The following MARS1 variants were observed in gnomAD, a reference collection of about 807,000 sequenced individuals.
MARS1 encodes methionyl-tRNA synthetase 1.
In MARS1, 80 loss-of-function variants were observed where a neutral mutation model predicts 119.5. That is an observed-to-expected ratio of 0.67 (90% confidence interval 0.56 to 0.81). The LOEUF (loss-of-function observed/expected upper bound fraction) is 0.81. Ranked by LOEUF, MARS1 falls within the 30% of genes least tolerant of loss-of-function variation. MARS1 has a pLI of 0.00. For missense variants in MARS1, 945 were observed against 1,116.5 expected (o/e 0.85, Z 2.19); for synonymous variants, 418 against 433.4 (o/e 0.96, Z 0.44).
intron 7 of MARS1, among the ~76,000 whole-genome samples, chr12:57,494,652 C>T (rs1367189612): frequency 3.3e-5 from 5 of 151,876 alleles, no homozygotes; most frequent in Non-Finnish European, 5.9e-5. Flanking sequence ...GAGGACCCTG[C>T]AGCCTTCCGC....
intron 18 of MARS1, 53 bp from the exon 19 acceptor site, chr12:57,515,867 A>T: frequency 2.1e-6 from 3 of 1,397,738 alleles, no homozygotes; most frequent in Non-Finnish European, 3.0e-6. Context: ...TGTATAGTCT[A>T]TGGTAGAGTC....
chr12:57,516,616 TA>T lies in MARS1; in HGVS notation c.*36del. The T allele has an allele frequency of 6.5e-7, 1 of 1,546,114 alleles. No homozygotes were observed. The highest frequency in any genetic ancestry group is 1.4e-5 in the African/African-American group (1 of 72,096). On this transcript the variant is annotated 3_prime_UTR_variant, in exon 21 of 21. Transcript: ENST00000262027. ...GCTCATAGAAAGTCACTTTAATAGA[TA>T]GGGACAGTAATAAATAAATGTACAA...
intron 7 of MARS1, among the ~76,000 whole-genome samples, chr12:57,495,094 GC>G (rs1199059620): frequency 1.3e-5 from 2 of 151,174 alleles, no homozygotes; most frequent in Non-Finnish European, 3.0e-5. Context: ...GGGCAGAGGT[GC>G]CCCCCCACCT....
At chr12:57,508,012 C>G (rs1415032345) in intron 11 of MARS1, among the ~76,000 whole-genome samples, 1 of 152,206 alleles carries the variant, frequency 6.6e-6, no homozygotes, top group Admixed American at 6.5e-5. Context: ...GCGCTCCTTA[C>G]ATCCCAGAAA....
chr12:57,509,132 A>G (rs1473381350), intron 11 of MARS1, among the ~76,000 whole-genome samples: 2 of 151,782 alleles, frequency 1.3e-5, no homozygotes, highest in African/African-American at 4.8e-5. Context: ...TCATGTTCAA[A>G]TTGTTACTTA....
At chr12:57,498,649 A>G (rs762886858) in intron 9 of MARS1, 26 bp downstream of exon 9, 1 of 1,606,144 alleles carries the variant, frequency 6.2e-7, no homozygotes, top group Admixed American at 1.7e-5. Flanking sequence ...TGAGGCAGAA[A>G]TGGGGCTTGA....
At position 57,498,542 on chromosome 12, in the gene MARS1, A is replaced by G. The variant is rs776772096; in HGVS notation, c.1010A>G (p.His337Arg). The change falls in exon 9 of 21, where the codon CAC (histidine) becomes CGC (arginine). Residue 337 changes from histidine to arginine, a missense_variant. Transcript: ENST00000262027. Reference sequence around the variant, plus strand: ...CCCCAGGAGATCTGCGACAAGTACCACATCATCCATGCTGACATCTACCGC... The same window carrying G: ...CCCCAGGAGATCTGCGACAAGTACCGCATCATCCATGCTGACATCTACCGC... ...LTPQEICDKY[H>R]IIHADIYRWF... 4 of 1,614,234 alleles carry G rather than the reference A, an allele frequency of 2.5e-6. No homozygotes were observed. In the South Asian group the frequency reaches 3.3e-5, roughly 13 times the overall value.
intron 7 of MARS1, among the ~76,000 whole-genome samples, chr12:57,495,239 C>A (rs934207596): frequency 2.7e-5 from 4 of 149,536 alleles, no homozygotes; most frequent in African/African-American, 9.9e-5. Context: ...TCCTCCCGGA[C>A]GGGGCGGCTG....
intron 11 of MARS1, among the ~76,000 whole-genome samples, chr12:57,509,562 A>C (rs563762651): frequency 1.2e-4 from 18 of 151,732 alleles, no homozygotes; most frequent in African/African-American, 3.9e-4. Context: ...ACCTGCCACC[A>C]CACCCAGCTA....
chr12:57,500,998 A>T (rs774754331), intron 10 of MARS1, among the ~76,000 whole-genome samples: 7 of 152,250 alleles, frequency 4.6e-5, no homozygotes, highest in Non-Finnish European at 1.0e-4. Flanking sequence ...ATATAGAATA[A>T]ACTGCCAGGA....
chr12:57,504,743 G>A lies in MARS1; in HGVS notation c.1368+444G>A, dbSNP rs147793482. Among the ~76,000 whole-genome samples, 679 of 127,328 alleles carry A rather than the reference G, an allele frequency of 5.3e-3. 33 individuals are homozygous for A. The East Asian group carries it at 0.13, about 24-fold the overall frequency. The allele number at this position is 127,328 out of a possible 152,430, so 83.5% of individuals were successfully genotyped here. ...TTTGAGACAGAGTTTCGCTCTTGTC[G>A]CCCAGGCTGGTGTGCAATGGCGCAC... On this transcript the variant is annotated intron_variant, in intron 11 of 20. Transcript: ENST00000262027.
In MARS1 at chr12:57,515,886, A is replaced by G. The variant is rs28382855; in HGVS notation, c.2392-34A>G. Reference sequence around the variant, plus strand: ...TAGTCTATGGTAGAGTCTGTATCCAATCAGTAGATGATTCTGGAACTCTTT... The same window carrying G: ...TAGTCTATGGTAGAGTCTGTATCCAGTCAGTAGATGATTCTGGAACTCTTT... On this transcript the variant is annotated intron_variant, in intron 18 of 20. Coordinates refer to ENST00000262027, the MANE Select transcript of MARS1 (RefSeq NM_004990.4). The G allele has an allele frequency of 5.3e-4, 809 of 1,536,054 alleles. 3 individuals are homozygous for G. The African/African-American group carries it at 8.0e-3, about 15-fold the overall frequency.
At chr12:57,493,777 A>AT in intron 7 of MARS1, among the ~76,000 whole-genome samples, 1 of 846 alleles carries the variant, frequency 1.2e-3, no homozygotes, top group African/African-American at 2.6e-3. Context: ...TATATATAAT[A>AT]TATATTATAT....
chr12:57,489,443 T>G lies in MARS1; in HGVS notation c.299T>G (p.Leu100Arg). 1 of 1,614,184 alleles carries G rather than the reference T, an allele frequency of 6.2e-7. No homozygotes were observed. The highest frequency in any genetic ancestry group is 8.5e-7 in the Non-Finnish European group (1 of 1,180,032). Residue 100 changes from leucine to arginine, a missense_variant, in exon 4 of 21, where the codon CTG (leucine) becomes CGG (arginine). By Grantham distance (102) the Leu-to-Arg change is moderately radical. Transcript: ENST00000262027. ...TELQPALSAA[L>R]YYLVVQGKKG... The stretch of plus-strand genomic sequence containing the variant: ...TTTTAGCCAGCTTTGTCTGCTGCCC[T>G]GTACTATTTAGTGGTCCAAGGCAAG...
At chr12:57,507,682 A>C (rs1877269745) in intron 11 of MARS1, among the ~76,000 whole-genome samples, 3 of 90,004 alleles carry the variant, frequency 3.3e-5, no homozygotes, top group African/African-American at 7.6e-5. Context: ...TCCCTCCCGG[A>C]CGGGACGGCT....
At chr12:57,513,028 G>T in intron 15 of MARS1, 64 bp downstream of exon 15, 1 of 1,370,546 alleles carries the variant, frequency 7.3e-7, no homozygotes, top group South Asian at 1.2e-5. Flanking sequence ...TCCCTCAGGA[G>T]ATGGGAATGT....
chr12:57,514,816 G>T lies in MARS1; in HGVS notation c.2064G>T (p.Glu688Asp). The change falls in exon 16 of 21, where the codon GAG (glutamate) becomes GAT (aspartate). Residue 688 changes from glutamate to aspartate, a missense_variant. By Grantham distance (45) the Glu-to-Asp change is conservative (BLOSUM62 2). Coordinates refer to ENST00000262027, the MANE Select transcript of MARS1 (RefSeq NM_004990.4). ...GCCTGCTGGCCCATGTCACCCTGGAGCTCCAGCACTATCACCAGCTACTTG... is the reference window on the plus strand; with the variant it reads ...GCCTGCTGGCCCATGTCACCCTGGATCTCCAGCACTATCACCAGCTACTTG... Reference protein sequence around the residue: ...DQRLLAHVTLELQHYHQLLEK... With the variant: ...DQRLLAHVTLDLQHYHQLLEK... 3.7e-6 allele frequency: 6 copies of T among 1,614,158 alleles called. No homozygotes were observed. The highest frequency in any genetic ancestry group is 4.2e-6 in the Non-Finnish European group (5 of 1,179,996).
At chr12:57,511,396 C>T (rs1877508057) in intron 11 of MARS1, among the ~76,000 whole-genome samples, 1 of 152,082 alleles carries the variant, frequency 6.6e-6, no homozygotes, top group South Asian at 2.1e-4. Flanking sequence ...CCAGCCTGGG[C>T]AATGTGGCAA....
chr12:57,516,642 ATCTC>A lies in MARS1; in HGVS notation c.*63_*66del. 3 of 1,526,868 alleles carry A rather than the reference ATCTC, an allele frequency of 2.0e-6. No homozygotes were observed. Among genetic ancestry groups the A allele is most frequent in the South Asian group, 2.6e-5 (2 of 75,788 alleles). 94.6% of individuals were successfully genotyped at this position (1,526,868 alleles called of 1,614,324 possible). On this transcript the variant is annotated 3_prime_UTR_variant, in exon 21 of 21. Coordinates refer to ENST00000262027, the MANE Select transcript of MARS1 (RefSeq NM_004990.4). ...AGGGACAGTAATAAATAAATGTACA[ATCTC>A]TATATACAAGCTGAGACCTTTCCTT... is the stretch of plus-strand genomic sequence containing the variant.
Sources: allele counts gnomAD v4.1 joint callset (sites outside exome capture counted in the v4.1 genomes callset), GRCh38; gene constraint gnomAD v4.1.1; transcripts MANE v1.5; gene names NCBI Gene and HGNC (gene_info 2026-07-23, HGNC 2026-07-21).